The following STX8 variants were observed in gnomAD, a reference collection of about 807,000 sequenced individuals.
STX8 encodes syntaxin-8.
In STX8, 23 loss-of-function variants were observed where a neutral mutation model predicts 37.5. The ratio of observed to expected loss-of-function variants is 0.61; its 90% CI spans 0.44 to 0.87. The LOEUF (loss-of-function observed/expected upper bound fraction) is 0.87, where lower values mean the gene tolerates loss of function less well. Ranked by LOEUF, STX8 falls within the 40% of genes least tolerant of loss-of-function variation. The probability of loss-of-function intolerance (pLI) is 0.00; values close to 1 mark genes in which losing one functional copy is unlikely to be tolerated. For synonymous variants in STX8, 115 were observed against 99.1 expected, an observed-to-expected ratio of 1.16 and a Z score of -0.95; for missense variants, 313 against 284.7, an observed-to-expected ratio of 1.10 and a Z score of -0.71.
chr17:9,529,033 G>T (rs367699978), intron 4 of STX8, among the ~76,000 whole-genome samples: 2 of 152,332 alleles, frequency 1.3e-5, no homozygotes, highest in African/African-American at 4.8e-5. Flanking sequence ...CAGGGACATG[G>T]AGGGAAGAGG....
At chr17:9,275,361 C>T (rs765947429) in intron 7 of STX8, among the ~76,000 whole-genome samples, 18 of 152,180 alleles carry the variant, frequency 1.2e-4, no homozygotes, top group African/African-American at 2.9e-4. Context: ...GCTTCACTGA[C>T]GCAGGGAGAC....
At chr17:9,494,439 G>C (rs1428150325) in intron 5 of STX8, among the ~76,000 whole-genome samples, 1 of 151,374 alleles carries the variant, frequency 6.6e-6, no homozygotes, top group Non-Finnish European at 1.5e-5. Flanking sequence ...GACCAGACTG[G>C]GCAACACTGT....
chr17:9,518,625 T>G (rs1342335153), intron 4 of STX8, among the ~76,000 whole-genome samples: 1 of 152,118 alleles, frequency 6.6e-6, no homozygotes, highest in Non-Finnish European at 1.5e-5. Flanking sequence ...TCCCAGCACT[T>G]TGGGAGGCCG....
At position 9,294,998 on chromosome 17, in the gene STX8, G is replaced by A. The variant is rs373160022; in HGVS notation, c.644-44353C>T. Among the ~76,000 whole-genome samples, 12 of 152,158 alleles carry A rather than the reference G, an allele frequency of 7.9e-5. No individual in the cohort carries two copies. In the East Asian group the frequency reaches 1.5e-3, roughly 20 times the overall value. On this transcript the variant is annotated intron_variant, in intron 7 of 7. Transcript: ENST00000306357. Reference sequence around the variant, plus strand: ...GCCTCAGCAGAAACCGACCCTGCTGGCACCCTGATCTTGGATTTCTAATCT... The same window carrying A: ...GCCTCAGCAGAAACCGACCCTGCTGACACCCTGATCTTGGATTTCTAATCT...
chr17:9,339,953 T>C (rs1182709320), intron 7 of STX8, among the ~76,000 whole-genome samples: 3 of 152,216 alleles, frequency 2.0e-5, no homozygotes, highest in South Asian at 2.1e-4. Flanking sequence ...ATGAGCATGA[T>C]TGTGGTGTTT....
chr17:9,287,351 C>T (rs1450052613), intron 7 of STX8, among the ~76,000 whole-genome samples: 1 of 152,170 alleles, frequency 6.6e-6, no homozygotes, highest in Non-Finnish European at 1.5e-5. Context: ...CACAATCAGG[C>T]AAACTACCTC....
At chr17:9,397,913 G>A (rs1042620815) in intron 6 of STX8, among the ~76,000 whole-genome samples, 2 of 150,936 alleles carry the variant, frequency 1.3e-5, no homozygotes, top group African/African-American at 4.9e-5. Flanking sequence ...GCTTGAACCC[G>A]GGAGGCAGAG....
intron 6 of STX8, among the ~76,000 whole-genome samples, chr17:9,458,554 T>A (rs1017635788): frequency 3.9e-5 from 6 of 152,212 alleles, no homozygotes; most frequent in Non-Finnish European, 8.8e-5. Flanking sequence ...TCAAAAGTAA[T>A]CATGACTTTG....
chr17:9,280,976 G>T (rs1401207372), intron 7 of STX8, among the ~76,000 whole-genome samples: 3 of 152,216 alleles, frequency 2.0e-5, no homozygotes, highest in Non-Finnish European at 2.9e-5. Flanking sequence ...GTGGGCCACA[G>T]ATAAGCAGGA....
At chr17:9,482,711 C>T (rs1257234611) in intron 6 of STX8, among the ~76,000 whole-genome samples, 1 of 152,070 alleles carries the variant, frequency 6.6e-6, no homozygotes, top group African/African-American at 2.4e-5. Context: ...ACCCGGAGTT[C>T]GAGACCAGCC....
At chr17:9,342,163 T>C (rs1485278558) in intron 7 of STX8, among the ~76,000 whole-genome samples, 1 of 152,064 alleles carries the variant, frequency 6.6e-6, no homozygotes, top group Non-Finnish European at 1.5e-5. Flanking sequence ...CAGTTCACAA[T>C]AGGGTTTGCG....
At chr17:9,556,569 G>C (rs1248692816) in intron 3 of STX8, among the ~76,000 whole-genome samples, 1 of 151,646 alleles carries the variant, frequency 6.6e-6, no homozygotes. Flanking sequence ...AACCTCCTGA[G>C]TAGCTGGGAG....
intron 4 of STX8, among the ~76,000 whole-genome samples, chr17:9,531,822 T>G (rs892750003): frequency 8.8e-5 from 7 of 79,726 alleles, no homozygotes; most frequent in Admixed American, 4.2e-4. Flanking sequence ...AGATTTCATG[T>G]TTTTTTTTTT....
chr17:9,424,919 T>G (rs1336247041), intron 6 of STX8, among the ~76,000 whole-genome samples: 1 of 152,032 alleles, frequency 6.6e-6, no homozygotes, highest in Non-Finnish European at 1.5e-5. Flanking sequence ...CTATAAATCA[T>G]CCAAAGCAAA....
At chr17:9,542,218 C>T (rs541306378) in intron 4 of STX8, among the ~76,000 whole-genome samples, 23 of 151,898 alleles carry the variant, frequency 1.5e-4, no homozygotes, top group African/African-American at 5.1e-4. Flanking sequence ...ATTAGCCAGG[C>T]GTGGTAGTGC....
At chr17:9,390,836 C>CAA (rs34205577) in intron 6 of STX8, among the ~76,000 whole-genome samples, 2,064 of 93,358 alleles carry the variant, frequency 0.022, 51 homozygotes, top group African/African-American at 0.053. Flanking sequence ...GACTCCGTCT[C>CAA]AAAAAAAAAA....
At chr17:9,427,360 G>T (rs1404635969) in intron 6 of STX8, among the ~76,000 whole-genome samples, 3 of 152,150 alleles carry the variant, frequency 2.0e-5, no homozygotes, top group African/African-American at 7.2e-5. Flanking sequence ...CCCCAGTGTG[G>T]CAGGCAGTCA....
At chr17:9,474,395 TG>T (rs1906011399) in intron 6 of STX8, among the ~76,000 whole-genome samples, 1 of 152,144 alleles carries the variant, frequency 6.6e-6, no homozygotes, top group African/African-American at 2.4e-5. Context: ...CTTTTTGAGA[TG>T]GAGTCTCACT....
chr17:9,531,450 T>G (rs1905815360), intron 4 of STX8, among the ~76,000 whole-genome samples: 1 of 152,150 alleles, frequency 6.6e-6, no homozygotes, highest in Non-Finnish European at 1.5e-5. Flanking sequence ...CTGAGCATGG[T>G]AAGACCCCAC....
Sources: gnomAD v4.1 joint callset for allele counts (sites outside exome capture counted in the v4.1 genomes callset) on GRCh38, gnomAD v4.1.1 for gene constraint, MANE v1.5 for transcripts, NCBI Gene and HGNC (gene_info 2026-07-23, HGNC 2026-07-21) for gene names.